LRRC9: variants seen among roughly 807,000 people sequenced by gnomAD.
The protein encoded by LRRC9 is leucine-rich repeat-containing protein 9.
A neutral mutation model predicts 63.2 loss-of-function variants in LRRC9; 122 were observed. The ratio of observed to expected loss-of-function variants is 1.93; its 90% CI spans 1.67 to 2.24. The LOEUF is 2.24. Among genes scored for constraint, LRRC9 ranks in the 30% most tolerant of loss-of-function variants. The probability of loss-of-function intolerance (pLI) is 0.00; values close to 1 mark genes in which losing one functional copy is unlikely to be tolerated. For synonymous variants in LRRC9, 366 were observed against 213.1 expected (o/e 1.72, Z -6.25); for missense variants, 1,071 against 627.7 (o/e 1.71, Z -7.55).
intron 29 of LRRC9, among the ~76,000 whole-genome samples, chr14:60,032,873 G>A (rs1892107379): frequency 6.6e-6 from 1 of 152,080 alleles, no homozygotes. Flanking sequence ...TAGAGAGGAA[G>A]TGAAGGGGTT....
intron 27 of LRRC9, among the ~76,000 whole-genome samples, chr14:60,023,451 GAA>G (rs921393621): frequency 1.7e-4 from 26 of 151,886 alleles, no homozygotes; most frequent in African/African-American, 5.8e-4. Context: ...GGGGGAGGAG[GAA>G]AAGAGTCACA....
At chr14:59,957,680 G>A (rs1003796704) in intron 8 of LRRC9, among the ~76,000 whole-genome samples, 42 of 152,136 alleles carry the variant, frequency 2.8e-4, no homozygotes, top group African/African-American at 8.2e-4. Flanking sequence ...TGCTGGAGAG[G>A]AGTTGCGATC....
At chr14:59,939,736 T>C (rs1325588108) in intron 7 of LRRC9, among the ~76,000 whole-genome samples, 1 of 151,854 alleles carries the variant, frequency 6.6e-6, no homozygotes, top group Non-Finnish European at 1.5e-5. Context: ...TTTGACGACA[T>C]GAGGAAGAGT....
In LRRC9 at chr14:60,060,521, A is replaced by C. The variant is rs1030611396; in HGVS notation, c.4276+2499A>C. On this transcript the variant is annotated intron_variant, in intron 31 of 31. Coordinates refer to ENST00000445360, the Ensembl canonical transcript of LRRC9. This position sits in a 1 kb window ranked among gnomAD's most constrained non-coding sequence, Gnocchi z 4.0. ...TTTGGGAGGCTGAGGTGGGCAGATCACGAGGTCAGGAGATCGAGACCATCC... is the reference window on the plus strand; with the variant it reads ...TTTGGGAGGCTGAGGTGGGCAGATCCCGAGGTCAGGAGATCGAGACCATCC... 3.3e-5 allele frequency among the ~76,000 whole-genome samples: 5 copies of C among 152,182 alleles called. No individual in the cohort carries two copies. Among genetic ancestry groups the C allele is most frequent in the Non-Finnish European group, 7.4e-5 (5 of 68,024 alleles).
At chr14:60,012,924 T>C (rs931448975) in intron 23 of LRRC9, among the ~76,000 whole-genome samples, 1 of 134,442 alleles carries the variant, frequency 7.4e-6, no homozygotes, top group Admixed American at 8.3e-5. Flanking sequence ...TTTTTATTTA[T>C]TTTTTGTACA....
At position 59,922,332 on chromosome 14, in the gene LRRC9, G is replaced by T. The variant is rs750144912; in HGVS notation, c.-34+2449G>T. 3.3e-5 allele frequency among the ~76,000 whole-genome samples: 5 copies of T among 152,142 alleles called. No homozygotes were observed. The highest frequency in any genetic ancestry group is 7.4e-5 in the Non-Finnish European group (5 of 68,016). ...AGTGGCTTGAGGTGTTCTCAGTCCA[G>T]ATGGCAGTGAATCCAGGACTGAAAG... On this transcript the variant is annotated intron_variant, in intron 1 of 31. Transcript: ENST00000445360. This position sits in a 1 kb window ranked among gnomAD's most constrained non-coding sequence, Gnocchi z 5.3.
At chr14:60,046,555 T>C (rs1222848370) in intron 29 of LRRC9, among the ~76,000 whole-genome samples, 1 of 152,162 alleles carries the variant, frequency 6.6e-6, no homozygotes, top group Non-Finnish European at 1.5e-5. Flanking sequence ...CTTGTTTTTG[T>C]TGGGTTTGTC....
exon 18 of LRRC9, chr14:59,997,768 C>T: frequency 1.4e-6 from 1 of 702,302 alleles, no homozygotes; most frequent in Non-Finnish European, 2.6e-6. Flanking sequence ...CTGAAAAAAT[C>T]TGGCAATGAA....
chr14:59,954,271 A>G (rs1403706212), intron 8 of LRRC9, among the ~76,000 whole-genome samples: 1 of 152,076 alleles, frequency 6.6e-6, no homozygotes, highest in Non-Finnish European at 1.5e-5. Flanking sequence ...CATTTTCACG[A>G]TATTGATTCT....
chr14:60,056,545 T>C (rs7152221), intron 30 of LRRC9, among the ~76,000 whole-genome samples: 2 of 152,218 alleles, frequency 1.3e-5, no homozygotes, highest in African/African-American at 2.4e-5. Flanking sequence ...TAATGTCATC[T>C]TGAGTTATTC....
At chr14:60,056,817 C>T (rs565684175) in intron 30 of LRRC9, among the ~76,000 whole-genome samples, 2 of 152,268 alleles carry the variant, frequency 1.3e-5, no homozygotes, top group African/African-American at 2.4e-5. Context: ...CAGAAAACTT[C>T]TGAAGTTTAT....
Position 59,927,057 on chromosome 14 carries a change from A to G in LRRC9, c.-33-854A>G, listed in dbSNP as rs1373963024. On this transcript the variant is annotated intron_variant, in intron 1 of 31. Coordinates refer to ENST00000445360, the Ensembl canonical transcript of LRRC9. This position sits in a 1 kb window ranked among gnomAD's most constrained non-coding sequence, Gnocchi z 4.4. ...TTGTATTCTGGCCACAAAGGCTTTC[A>G]CCTGCATCTAAGGAAACTCATATTA... 6.6e-6 allele frequency among the ~76,000 whole-genome samples: 1 copy of G among 152,064 alleles called. No individual in the cohort carries two copies. Among genetic ancestry groups the G allele is most frequent in the Non-Finnish European group, 1.5e-5 (1 of 67,948 alleles).
At chr14:59,977,531 G>T (rs1467544995) in intron 14 of LRRC9, among the ~76,000 whole-genome samples, 184 bp downstream of exon 14, 1 of 150,336 alleles carries the variant, frequency 6.7e-6, no homozygotes, top group African/African-American at 2.4e-5. Context: ...TATGGGTGTG[G>T]GTAGATAATC....
intron 10 of LRRC9, among the ~76,000 whole-genome samples, chr14:59,961,567 A>G (rs950675552): frequency 6.6e-6 from 1 of 152,136 alleles, no homozygotes; most frequent in Non-Finnish European, 1.5e-5. Context: ...AGCTACAGTC[A>G]GGGTGCACAC....
chr14:59,952,182 G>A (rs1883217916), intron 8 of LRRC9, among the ~76,000 whole-genome samples: 1 of 151,730 alleles, frequency 6.6e-6, no homozygotes, highest in Non-Finnish European at 1.5e-5. Context: ...TCCGAGCCAG[G>A]TGTGGGATAT....
At chr14:60,032,429 C>T (rs1892067225) in intron 29 of LRRC9, among the ~76,000 whole-genome samples, 1 of 152,086 alleles carries the variant, frequency 6.6e-6, no homozygotes, top group Admixed American at 6.6e-5. Context: ...TCTCTTTCTT[C>T]ACTGCCTTGG....
Position 59,920,937 on chromosome 14 carries a change from G to A in LRRC9, c.-34+1054G>A, listed in dbSNP as rs532490712. Among the ~76,000 whole-genome samples the A allele has an allele frequency of 1.3e-4, 20 of 152,344 alleles. 1 individual carries two copies. The highest frequency in any genetic ancestry group is 4.6e-4 in the African/African-American group (19 of 41,582). ...CACAGTTTCTGCCTTCAATGAACAT[G>A]TAACCTAGTAGGGAAGAAAGGCCCG... On this transcript the variant is annotated intron_variant, in intron 1 of 31. Transcript: ENST00000445360.
intron 28 of LRRC9, among the ~76,000 whole-genome samples, chr14:60,029,843 T>TA (rs1891854147): frequency 6.6e-6 from 1 of 152,158 alleles, no homozygotes; most frequent in African/African-American, 2.4e-5. Flanking sequence ...TCTTTGTTTT[T>TA]ATCCTTGAAA....
intron 8 of LRRC9, among the ~76,000 whole-genome samples, chr14:59,949,457 C>T (rs1217530650): frequency 6.0e-5 from 9 of 149,796 alleles, no homozygotes; most frequent in African/African-American, 9.9e-5. Flanking sequence ...TTCAAAAAAC[C>T]AGCTCCTGGA....
Sources: gnomAD v4.1 joint callset for allele counts (sites outside exome capture counted in the v4.1 genomes callset) on GRCh38, gnomAD v4.1.1 for gene constraint, Gnocchi (gnomAD v3.1) non-coding constraint, MANE v1.5 for transcripts, NCBI Gene and HGNC (gene_info 2026-07-23, HGNC 2026-07-21) for gene names.